The following ANTXR1 variants were observed in gnomAD, a reference collection of about 807,000 sequenced individuals.
ANTXR1 encodes the protein anthrax toxin receptor 1.
In ANTXR1, 19 loss-of-function variants were observed where a neutral mutation model predicts 78.1. The ratio of observed to expected loss-of-function variants is 0.24; its 90% CI spans 0.17 to 0.36. ANTXR1 has a LOEUF of 0.36. Ranked by LOEUF, ANTXR1 falls within the 10% of genes least tolerant of loss-of-function variation. ANTXR1 has a pLI of 1.00. For synonymous variants in ANTXR1, 273 were observed against 260.5 expected, an observed-to-expected ratio of 1.05 and a Z score of -0.46; for missense variants, 518 against 718.6, an observed-to-expected ratio of 0.72 and a Z score of 3.19.
chr2:69,207,688 G>A (rs572726774), intron 17 of ANTXR1, among the ~76,000 whole-genome samples: 11 of 152,058 alleles, frequency 7.2e-5, no homozygotes, highest in East Asian at 1.9e-4. Context: ...GATTTTTCTC[G>A]GCCAATTTGC....
Position 69,247,299 on chromosome 2 carries a change from G to C in ANTXR1, c.*1814G>C, listed in dbSNP as rs981577918. The C allele has an allele frequency of 6.6e-6, 1 of 152,618 alleles. No homozygotes were observed. Among genetic ancestry groups the C allele is most frequent in the African/African-American group, 2.4e-5 (1 of 41,408 alleles). 9.5% of individuals were successfully genotyped at this position (152,618 alleles called of 1,614,324 possible). ...TTCCAGGGAGAATGGGAAAGCCAGG[G>C]GGCATAAAAGGTACAGTCAGGGGAA... On this transcript the variant is annotated 3_prime_UTR_variant, in exon 18 of 18. Transcript: ENST00000303714.
At chr2:69,164,604 G>A (rs1021867876) in intron 13 of ANTXR1, among the ~76,000 whole-genome samples, 9 of 152,322 alleles carry the variant, frequency 5.9e-5, no homozygotes, top group African/African-American at 2.2e-4. Flanking sequence ...TGCTAACAGT[G>A]CAGACAGAGA....
At chr2:69,025,636 GA>G (rs1402410667) in intron 1 of ANTXR1, among the ~76,000 whole-genome samples, 2 of 132,660 alleles carry the variant, frequency 1.5e-5, no homozygotes, top group African/African-American at 6.7e-5. Flanking sequence ...GCAAATAAGA[GA>G]AAAGTGAAGA....
intron 9 of ANTXR1, among the ~76,000 whole-genome samples, chr2:69,100,515 G>A (rs1160695758): frequency 2.6e-5 from 4 of 152,278 alleles, no homozygotes; most frequent in South Asian, 4.1e-4. Flanking sequence ...AGACATGCAG[G>A]CAGCCTCTTT....
intron 12 of ANTXR1, among the ~76,000 whole-genome samples, chr2:69,129,620 G>A (rs1057466316): frequency 5.3e-5 from 8 of 151,924 alleles, no homozygotes; most frequent in South Asian, 2.1e-4. Flanking sequence ...GTGTGGTGGC[G>A]TGCACCTGTA....
intron 17 of ANTXR1, among the ~76,000 whole-genome samples, chr2:69,244,924 TGAG>T (rs2104536192): frequency 6.6e-6 from 1 of 152,314 alleles, no homozygotes; most frequent in Admixed American, 6.5e-5. Context: ...GCAGGGCTGT[TGAG>T]GAGATTCAGT....
Position 69,245,835 on chromosome 2 carries a change from G to T in ANTXR1, c.*350G>T. The stretch of plus-strand genomic sequence containing the variant: ...GAAGGTGAAATGCAGAGTTGGATAA[G>T]AAATACATTGCTGGGTTTCTAAAAT... On this transcript the variant is annotated 3_prime_UTR_variant, in exon 18 of 18. Transcript: ENST00000303714. 4.2e-6 allele frequency: 1 copy of T among 238,916 alleles called. No individual in the cohort carries two copies. The highest frequency in any genetic ancestry group is 8.2e-6 in the Non-Finnish European group (1 of 122,052). The allele number at this position is 238,916 out of a possible 1,614,324, so 14.8% of individuals were successfully genotyped here.
intron 12 of ANTXR1, among the ~76,000 whole-genome samples, chr2:69,130,913 TGTG>T (rs1351046415): frequency 6.6e-6 from 1 of 152,158 alleles, no homozygotes; most frequent in African/African-American, 2.4e-5. Flanking sequence ...GTAAATCAGA[TGTG>T]GTGATAAGTC....
intron 10 of ANTXR1, among the ~76,000 whole-genome samples, chr2:69,108,768 C>G (rs11691607): frequency 0.38 from 57,747 of 152,038 alleles, 11,734 homozygotes; most frequent in East Asian, 0.5. Context: ...GCCCCTAGCT[C>G]CAACCATGTT....
intron 15 of ANTXR1, chr2:69,182,126 C>T (rs573687374): frequency 5.1e-5 from 29 of 569,492 alleles, no homozygotes; most frequent in African/African-American, 4.3e-4. Flanking sequence ...TTTCACTGTG[C>T]GTTTCCATGT....
intron 13 of ANTXR1, among the ~76,000 whole-genome samples, chr2:69,153,479 C>A (rs1464587013): frequency 6.6e-6 from 1 of 152,072 alleles, no homozygotes; most frequent in African/African-American, 2.4e-5. Flanking sequence ...AAGGAGAGAC[C>A]CAGGACAGGC....
At chr2:69,078,030 C>T (rs1192241364) in intron 8 of ANTXR1, among the ~76,000 whole-genome samples, 1 of 152,212 alleles carries the variant, frequency 6.6e-6, no homozygotes, top group African/African-American at 2.4e-5. Context: ...CTGCTTTCGA[C>T]CTATAATCCC....
intron 10 of ANTXR1, among the ~76,000 whole-genome samples, chr2:69,121,858 T>C (rs1441748601): frequency 6.6e-6 from 1 of 152,210 alleles, no homozygotes; most frequent in African/African-American, 2.4e-5. Context: ...CAACCCTGTC[T>C]CTGGCCCCAG....
Position 69,229,116 on chromosome 2 carries a change from G to C in ANTXR1, c.1435-16109G>C, listed in dbSNP as rs72903157. ...CCCTCATGACCTCATCCAACCCTAAGTTCCTCCCAAAGACCCCACCCTCAA... is the reference window on the plus strand; with the variant it reads ...CCCTCATGACCTCATCCAACCCTAACTTCCTCCCAAAGACCCCACCCTCAA... On this transcript the variant is annotated intron_variant, in intron 17 of 17. Coordinates refer to ENST00000303714, the MANE Select transcript of ANTXR1 (RefSeq NM_032208.3). 9.6e-3 allele frequency among the ~76,000 whole-genome samples: 1,454 copies of C among 152,144 alleles called. 23 individuals carry two copies. The highest frequency in any genetic ancestry group is 0.033 in the African/African-American group (1,381 of 41,496).
At chr2:69,044,703 C>T (rs777823070) in intron 2 of ANTXR1, 39 bp from the exon 3 acceptor site, 1 of 1,604,910 alleles carries the variant, frequency 6.2e-7, no homozygotes, top group Non-Finnish European at 8.5e-7. Flanking sequence ...CATGCGCAGT[C>T]TTATTGTCTG....
At chr2:69,015,009 C>G (rs904586091) in intron 1 of ANTXR1, among the ~76,000 whole-genome samples, 3 of 150,852 alleles carry the variant, frequency 2.0e-5, no homozygotes, top group African/African-American at 4.9e-5. Flanking sequence ...TGAAAACAGT[C>G]GGAGGTGCTC....
At chr2:69,192,323 G>T (rs879333854) in intron 16 of ANTXR1, among the ~76,000 whole-genome samples, 2 of 152,184 alleles carry the variant, frequency 1.3e-5, no homozygotes, top group Admixed American at 1.3e-4. Context: ...CTCTAGAGGA[G>T]AATTTATTTC....
intron 3 of ANTXR1, among the ~76,000 whole-genome samples, chr2:69,045,403 CAG>C (rs1228073280): frequency 1.3e-5 from 2 of 152,150 alleles, no homozygotes; most frequent in East Asian, 3.8e-4. Context: ...CTAGCAATAA[CAG>C]AGTCATGTCA....
chr2:69,245,691 T>C lies in ANTXR1; in HGVS notation c.*206T>C. ...GCCAGAAAACAAATGATGAGGCAAC[T>C]ACAGTCAGATTTATAGCCAGCCATC... On this transcript the variant is annotated 3_prime_UTR_variant, in exon 18 of 18. Coordinates refer to ENST00000303714, the MANE Select transcript of ANTXR1 (RefSeq NM_032208.3). 1 of 642,406 alleles carries C rather than the reference T, an allele frequency of 1.6e-6. No individual in the cohort carries two copies. The allele number at this position is 642,406 out of a possible 1,614,324, so 39.8% of individuals were successfully genotyped here. A position where few individuals can be genotyped will look rare whatever the true frequency, so the allele number is the denominator to read the frequency against.
Sources: allele counts gnomAD v4.1 joint callset (sites outside exome capture counted in the v4.1 genomes callset), GRCh38; gene constraint gnomAD v4.1.1; transcripts MANE v1.5; gene names NCBI Gene and HGNC (gene_info 2026-07-23, HGNC 2026-07-21).